The following RGS6 variants were observed in gnomAD, a reference collection of about 807,000 sequenced individuals.
RGS6 encodes regulator of G protein signaling 6.
RGS6 carries 30 observed loss-of-function variants against 78.5 expected under a neutral mutation model. The ratio of observed to expected loss-of-function variants is 0.38; its 90% confidence interval spans 0.29 to 0.52. RGS6 has a LOEUF of 0.52. Among genes scored for constraint, RGS6 ranks in the 20% least tolerant of loss-of-function variants. The pLI is 0.85. For synonymous variants in RGS6, 206 were observed against 206.0 expected (o/e 1.00, Z 0.00); for missense variants, 495 against 609.7 (o/e 0.81, Z 1.98).
intron 2 of RGS6, among the ~76,000 whole-genome samples, chr14:72,104,257 C>A (rs1308745834): frequency 6.6e-6 from 1 of 152,144 alleles, no homozygotes; most frequent in African/African-American, 2.4e-5. Context: ...TCTTGCTTTT[C>A]CTTTCCTCTC....
intron 15 of RGS6, among the ~76,000 whole-genome samples, chr14:72,526,613 C>T (rs1399031976): frequency 6.6e-6 from 1 of 152,194 alleles, no homozygotes; most frequent in Non-Finnish European, 1.5e-5. Context: ...CCTCTTATGA[C>T]CTGGAATGAT....
intron 3 of RGS6, among the ~76,000 whole-genome samples, 168 bp from the exon 4 acceptor site, chr14:72,454,360 T>C (rs1030598424): frequency 6.6e-6 from 1 of 152,194 alleles, no homozygotes; most frequent in African/African-American, 2.4e-5. Flanking sequence ...ACTATGGAAG[T>C]GTACTGAAGA....
At chr14:72,294,542 C>T (rs968113297) in intron 2 of RGS6, among the ~76,000 whole-genome samples, 1 of 152,140 alleles carries the variant, frequency 6.6e-6, no homozygotes, top group Admixed American at 6.5e-5. Flanking sequence ...ATACCTAATG[C>T]TGGGTAATTT....
chr14:72,332,435 G>A (rs2075256183), intron 2 of RGS6, among the ~76,000 whole-genome samples: 1 of 152,244 alleles, frequency 6.6e-6, no homozygotes, highest in Admixed American at 6.5e-5. Context: ...AAAGCAGTGA[G>A]ATGGATGGAG....
At chr14:72,071,265 C>G (rs2094397735) in intron 2 of RGS6, among the ~76,000 whole-genome samples, 8 of 152,182 alleles carry the variant, frequency 5.3e-5, no homozygotes, top group Admixed American at 5.2e-4. Context: ...TTTAGCTATT[C>G]AACACAATTT....
chr14:71,902,668 TAGAA>T, the RGS6 span, among the ~76,000 whole-genome samples: 1 of 151,780 alleles, frequency 6.6e-6, no homozygotes, highest in Non-Finnish European at 1.5e-5. Context: ...GTTAGAGAAA[TAGAA>T]AGAAGAATAG....
At chr14:71,941,959 T>C (rs1356460022) in intron 1 of RGS6, among the ~76,000 whole-genome samples, 1 of 152,174 alleles carries the variant, frequency 6.6e-6, no homozygotes, top group East Asian at 1.9e-4. Flanking sequence ...AAAAGCCTGT[T>C]TGACTTTTCT....
chr14:72,530,355 T>C (rs1331813221), intron 15 of RGS6, among the ~76,000 whole-genome samples: 1 of 152,122 alleles, frequency 6.6e-6, no homozygotes, highest in Non-Finnish European at 1.5e-5. Flanking sequence ...AGTGTGTCAT[T>C]TTTACTGTGG....
intron 2 of RGS6, among the ~76,000 whole-genome samples, chr14:72,154,140 C>T (rs558571289): frequency 1.1e-4 from 16 of 152,254 alleles, no homozygotes; most frequent in South Asian, 4.1e-4. Context: ...CTTGCACAAC[C>T]GTTTATAGGC....
intron 1 of RGS6, among the ~76,000 whole-genome samples, chr14:71,953,973 T>TTTTG (rs1306926721): frequency 2.7e-5 from 4 of 145,620 alleles, no homozygotes; most frequent in Admixed American, 6.8e-5. Flanking sequence ...GTGGGCGTTT[T>TTTTG]TTTTTTTTTT....
intron 2 of RGS6, among the ~76,000 whole-genome samples, chr14:72,277,482 A>G (rs1430710100): frequency 6.6e-6 from 1 of 152,116 alleles, no homozygotes; most frequent in African/African-American, 2.4e-5. Context: ...CTGTAATCCC[A>G]TCTCCTCAGG....
In RGS6 at chr14:72,493,422, A is replaced by G. The variant is rs978413606; in HGVS notation, c.855-1730A>G. Reference sequence around the variant, plus strand: ...AAATTAAAAAATAAATAAATAGTTAAAAGAGAGTTTAACAAAAAGACAAGG... The same window carrying G: ...AAATTAAAAAATAAATAAATAGTTAGAAGAGAGTTTAACAAAAAGACAAGG... On this transcript the variant is annotated intron_variant, in intron 12 of 17. Transcript: ENST00000553525. Among the ~76,000 whole-genome samples, 44 of 152,308 alleles carry G rather than the reference A, an allele frequency of 2.9e-4. 1 individual carries two copies. Among genetic ancestry groups the G allele is most frequent in the South Asian group, 8.3e-4 (4 of 4,826 alleles).
intron 2 of RGS6, among the ~76,000 whole-genome samples, chr14:72,135,061 C>T (rs976866533): frequency 2.0e-5 from 3 of 152,202 alleles, no homozygotes; most frequent in Non-Finnish European, 2.9e-5. Flanking sequence ...TCAACTGACA[C>T]ATAAAATTAA....
At chr14:72,395,047 A>G (rs989511184) in intron 3 of RGS6, among the ~76,000 whole-genome samples, 7 of 152,228 alleles carry the variant, frequency 4.6e-5, no homozygotes, top group Non-Finnish European at 7.3e-5. Flanking sequence ...TTTTAAAAGA[A>G]ACAAAATCAA....
intron 3 of RGS6, among the ~76,000 whole-genome samples, chr14:72,399,758 TGTAAA>T (rs1453756900): frequency 6.6e-6 from 1 of 152,198 alleles, no homozygotes; most frequent in African/African-American, 2.4e-5. Context: ...TTTGCTTGTC[TGTAAA>T]GTATTTTATT....
intron 2 of RGS6, among the ~76,000 whole-genome samples, chr14:72,221,296 A>T (rs2046809475): frequency 6.6e-6 from 1 of 152,220 alleles, no homozygotes; most frequent in Non-Finnish European, 1.5e-5. Context: ...CCTAACTAAA[A>T]GGGACATCTG....
intron 3 of RGS6, among the ~76,000 whole-genome samples, chr14:72,411,631 C>G (rs1444443183): frequency 1.3e-5 from 2 of 152,152 alleles, no homozygotes; most frequent in Non-Finnish European, 2.9e-5. Context: ...GAGAGGGCAT[C>G]CCTGTCTTGT....
intron 3 of RGS6, among the ~76,000 whole-genome samples, chr14:72,383,855 A>T (rs1341446679): frequency 6.6e-6 from 1 of 152,152 alleles, no homozygotes; most frequent in Non-Finnish European, 1.5e-5. Flanking sequence ...ACAAAATTTG[A>T]TCTGCTGTAT....
chr14:72,426,862 A>C (rs981976769), intron 3 of RGS6, among the ~76,000 whole-genome samples: 29 of 152,234 alleles, frequency 1.9e-4, no homozygotes, highest in African/African-American at 6.3e-4. Context: ...TCACCTCTCC[A>C]TCCCAAAAGG....
Sources: allele counts gnomAD v4.1 joint callset (sites outside exome capture counted in the v4.1 genomes callset), GRCh38; gene constraint gnomAD v4.1.1; transcripts MANE v1.5; gene names NCBI Gene and HGNC (gene_info 2026-07-23, HGNC 2026-07-21).